The following SCD5 variants were observed in gnomAD, a reference collection of about 807,000 sequenced individuals.
SCD5 encodes the protein acyl-CoA-desaturase 4.
SCD5 carries 20 observed loss-of-function variants against 30.4 expected under a neutral mutation model. The observed-to-expected ratio is 0.66, with a 90% CI of 0.46 to 0.96. The LOEUF (loss-of-function observed/expected upper bound fraction) is 0.96. Among genes scored for constraint, SCD5 ranks in the 40% least tolerant of loss-of-function variants. SCD5 has a pLI of 0.00. For missense variants in SCD5, 381 were observed against 443.3 expected (o/e 0.86, Z 1.26); for synonymous variants, 173 against 176.4 (o/e 0.98, Z 0.16).
chr4:82,684,756 T>C (rs905465025), intron 2 of SCD5, among the ~76,000 whole-genome samples: 3 of 152,202 alleles, frequency 2.0e-5, no homozygotes, highest in Admixed American at 1.3e-4. Context: ...ATAATCTCTC[T>C]TCCTCTTAGT....
intron 1 of SCD5, among the ~76,000 whole-genome samples, chr4:82,722,315 A>AC: frequency 6.6e-6 from 1 of 151,874 alleles, no homozygotes; most frequent in Non-Finnish European, 1.5e-5. Flanking sequence ...AAAAAATTTT[A>AC]AGTTTGTAGC....
intron 3 of SCD5, among the ~76,000 whole-genome samples, chr4:82,679,721 G>T (rs1042082713): frequency 1.2e-4 from 18 of 152,112 alleles, no homozygotes; most frequent in Admixed American, 6.5e-5. Flanking sequence ...ATGCTCTACT[G>T]CTCCCCTCAG....
Position 82,712,265 on chromosome 4 carries a change from T to TATATAC in SCD5, c.233-6853_233-6852insGTATAT, listed in dbSNP as rs1553917217. Among the ~76,000 whole-genome samples, 14 of 44,638 alleles carry TATATAC rather than the reference T, an allele frequency of 3.1e-4. 1 individual carries two copies. The highest frequency in any genetic ancestry group is 2.1e-3 in the African/African-American group (14 of 6,804). The allele number at this position is 44,638 out of a possible 152,430, so 29.3% of individuals were successfully genotyped here. ...TAACATATATATATATATATATATA[T>TATATAC]ATATATATATATATATATATATATA... is the stretch of plus-strand genomic sequence containing the variant. On this transcript the variant is annotated intron_variant, in intron 1 of 4. Transcript: ENST00000319540.
intron 3 of SCD5, among the ~76,000 whole-genome samples, chr4:82,672,956 C>G (rs370798313): frequency 1.1e-3 from 161 of 152,144 alleles, no homozygotes; most frequent in Middle Eastern, 3.4e-3. Context: ...ATGACCATAT[C>G]AATAGATGCA....
chr4:82,684,441 GCAA>G (rs1315189779), intron 2 of SCD5, among the ~76,000 whole-genome samples: 1 of 152,156 alleles, frequency 6.6e-6, no homozygotes, highest in African/African-American at 2.4e-5. Context: ...CAGAAAGGGA[GCAA>G]GATTTATATG....
At chr4:82,660,125 T>A (rs953125865) in intron 3 of SCD5, 2 of 152,128 alleles carry the variant, frequency 1.3e-5, no homozygotes, top group African/African-American at 4.8e-5. Flanking sequence ...GAGCTAACTA[T>A]CCTAAATATG....
intron 1 of SCD5, among the ~76,000 whole-genome samples, chr4:82,717,154 T>C (rs981350186): frequency 1.3e-5 from 2 of 151,804 alleles, no homozygotes; most frequent in South Asian, 4.1e-4. Context: ...TATAACAATA[T>C]TTCAATAAAT....
chr4:82,773,757 G>T (rs1046785449), intron 1 of SCD5, among the ~76,000 whole-genome samples: 43 of 152,092 alleles, frequency 2.8e-4, no homozygotes, highest in African/African-American at 9.7e-4. Context: ...ATGCCTCTTG[G>T]GGGTGAGGGC....
chr4:82,798,644 C>T lies in SCD5; in HGVS notation c.-107G>A. 1 of 944,394 alleles carries T rather than the reference C, an allele frequency of 1.1e-6. No individual in the cohort carries two copies. The highest frequency in any genetic ancestry group is 1.7e-5 in the South Asian group (1 of 57,168). 58.5% of individuals were successfully genotyped at this position (944,394 alleles called of 1,614,324 possible). A position where few individuals can be genotyped will look rare whatever the true frequency, so the allele number is the denominator to read the frequency against. ...CTTCTGCCTTTTAGGGGGGAATTCT[C>T]CGCACGTCCAGTCCCCTCCTTCCAG... On this transcript the variant is annotated 5_prime_UTR_variant, in exon 1 of 5. Coordinates refer to ENST00000319540, the MANE Select transcript of SCD5 (RefSeq NM_001037582.3).
intron 1 of SCD5, among the ~76,000 whole-genome samples, chr4:82,796,253 G>C (rs1274112756): frequency 1.3e-5 from 2 of 149,532 alleles, no homozygotes; most frequent in African/African-American, 5.0e-5. Flanking sequence ...CTGGGCGACA[G>C]AGCGAGACTC....
rs762032612 is a variant in SCD5 at position 82,798,303 on chromosome 4, T to A, written c.232+3A>T. On this transcript the variant is annotated splice_donor_region_variant and intron_variant, in intron 1 of 4. Transcript: ENST00000319540. ...GGGCGCAGGGGGCGCCGGCGGGACT[T>A]ACCCCAGAGCAGAGTGAGTGGCTTG... The A allele has an allele frequency of 6.4e-7, 1 of 1,572,052 alleles. No individual in the cohort carries two copies. Among genetic ancestry groups the A allele is most frequent in the Non-Finnish European group, 8.6e-7 (1 of 1,160,686 alleles).
rs186430427 is a variant in SCD5, at chr4:82,671,504, C to T, written c.569+9203G>A. On this transcript the variant is annotated intron_variant, in intron 3 of 4. Transcript: ENST00000319540. ...GCACATTCTGAGCCATAAAAAACACCTTAACAAATTTAAAAGAATAGAAAT... is the reference window on the plus strand; with the variant it reads ...GCACATTCTGAGCCATAAAAAACACTTTAACAAATTTAAAAGAATAGAAAT... 3.7e-3 allele frequency among the ~76,000 whole-genome samples: 567 copies of T among 152,180 alleles called. 6 individuals carry two copies. The highest frequency in any genetic ancestry group is 0.01 in the Middle Eastern group (3 of 294).
chr4:82,724,917 T>C (rs1720440698), intron 1 of SCD5, among the ~76,000 whole-genome samples: 1 of 152,212 alleles, frequency 6.6e-6, no homozygotes, highest in Admixed American at 6.5e-5. Flanking sequence ...TTTTTCCTAA[T>C]GAACATAATA....
chr4:82,776,464 G>T (rs1184298085), intron 1 of SCD5, among the ~76,000 whole-genome samples: 1 of 152,192 alleles, frequency 6.6e-6, no homozygotes, highest in African/African-American at 2.4e-5. Flanking sequence ...ACTGAACATG[G>T]TTGAGTGAGG....
intron 3 of SCD5, among the ~76,000 whole-genome samples, chr4:82,662,879 C>T (rs1217332344): frequency 1.4e-5 from 2 of 145,098 alleles, no homozygotes; most frequent in Non-Finnish European, 3.0e-5. Flanking sequence ...AAAAAAAACA[C>T]ACATGGTAGA....
intron 1 of SCD5, among the ~76,000 whole-genome samples, chr4:82,747,074 C>CCCCCCCCCG (rs796695522): frequency 6.7e-6 from 1 of 149,062 alleles, no homozygotes; most frequent in East Asian, 2.0e-4. Context: ...AACCTGCCCC[C>CCCCCCCCCG]CAAGAAAGAC....
chr4:82,674,558 G>GTT (rs1432614535), intron 3 of SCD5, among the ~76,000 whole-genome samples: 1 of 152,200 alleles, frequency 6.6e-6, no homozygotes, highest in East Asian at 1.9e-4. Context: ...TTGGAAGACA[G>GTT]TTTGGCTGTT....
intron 1 of SCD5, among the ~76,000 whole-genome samples, chr4:82,741,860 G>T (rs185884953): frequency 1.2e-3 from 163 of 132,216 alleles, no homozygotes; most frequent in East Asian, 4.2e-3. Flanking sequence ...GGGCGGGGGG[G>T]GGGAGTGGGC....
intron 1 of SCD5, among the ~76,000 whole-genome samples, chr4:82,723,444 C>G (rs1266920856): frequency 6.6e-6 from 1 of 152,114 alleles, no homozygotes; most frequent in Non-Finnish European, 1.5e-5. Flanking sequence ...GAAGAATGAA[C>G]ATGCATTTCA....
Sources: allele counts gnomAD v4.1 joint callset (sites outside exome capture counted in the v4.1 genomes callset), GRCh38; gene constraint gnomAD v4.1.1; transcripts MANE v1.5; gene names NCBI Gene and HGNC (gene_info 2026-07-23, HGNC 2026-07-21).